The following TMEM108 variants were observed in gnomAD, a reference collection of about 807,000 sequenced individuals.
TMEM108 encodes the protein transmembrane protein 108, also known as cancer/testis antigen 124.
In TMEM108, 12 loss-of-function variants were observed where a neutral mutation model predicts 35.1. The observed-to-expected ratio is 0.34, with a 90% CI of 0.22 to 0.55. The LOEUF (loss-of-function observed/expected upper bound fraction) is 0.55, where lower values mean the gene tolerates loss of function less well. Among genes scored for constraint, TMEM108 ranks in the 20% least tolerant of loss-of-function variants. The pLI, the probability that TMEM108 is intolerant of heterozygous loss-of-function variation, is 0.89. For synonymous variants in TMEM108, 287 were observed against 308.6 expected (o/e 0.93, Z 0.73); for missense variants, 680 against 753.3 (o/e 0.90, Z 1.14).
chr3:133,359,618 G>T (rs2107790043), intron 3 of TMEM108, among the ~76,000 whole-genome samples: 1 of 152,246 alleles, frequency 6.6e-6, no homozygotes, highest in East Asian at 1.9e-4. Context: ...GTTAAAGCTG[G>T]GAGAGAGACA....
intron 2 of TMEM108, among the ~76,000 whole-genome samples, chr3:133,194,178 G>A (rs1297101435): frequency 3.9e-5 from 6 of 151,942 alleles, no homozygotes; most frequent in Admixed American, 6.6e-5. Context: ...CTCGTGATCC[G>A]CCCGCCTCAG....
At chr3:133,356,002 G>A (rs2072154870) in intron 3 of TMEM108, among the ~76,000 whole-genome samples, 1 of 151,902 alleles carries the variant, frequency 6.6e-6, no homozygotes, top group South Asian at 2.1e-4. Context: ...AGAAATATAG[G>A]GCATCCAAAT....
intron 2 of TMEM108, among the ~76,000 whole-genome samples, chr3:133,057,656 G>T (rs940161670): frequency 6.6e-6 from 1 of 151,542 alleles, no homozygotes; most frequent in African/African-American, 2.4e-5. Context: ...TTTACCATAG[G>T]CTCTTGAGGG....
chr3:133,144,817 G>A (rs928152328), intron 2 of TMEM108, among the ~76,000 whole-genome samples: 3 of 152,018 alleles, frequency 2.0e-5, no homozygotes, highest in Admixed American at 2.0e-4. Context: ...GGGGTTGTTT[G>A]TTTTTTTCCT....
chr3:133,046,867 A>G (rs969793263), intron 2 of TMEM108, among the ~76,000 whole-genome samples: 1 of 152,124 alleles, frequency 6.6e-6, no homozygotes, highest in African/African-American at 2.4e-5. Flanking sequence ...AAAGAAACAT[A>G]CTTAACTGAA....
intron 2 of TMEM108, among the ~76,000 whole-genome samples, chr3:133,150,939 A>C (rs768417295): frequency 6.6e-6 from 1 of 152,106 alleles, no homozygotes; most frequent in Non-Finnish European, 1.5e-5. Context: ...GTCAGTCCCC[A>C]GTTTACCTCC....
intron 2 of TMEM108, among the ~76,000 whole-genome samples, chr3:133,186,065 G>C (rs1203223123): frequency 6.7e-6 from 1 of 150,300 alleles, no homozygotes; most frequent in Admixed American, 6.6e-5. Flanking sequence ...ACCGTGCCCA[G>C]CTGGGGCCTT....
In TMEM108 at chr3:133,379,977, A is replaced by C. The variant is rs2072954918; in HGVS notation, c.266A>C (p.Glu89Ala). 1.9e-6 allele frequency: 3 copies of C among 1,613,412 alleles called. No homozygotes were observed. The East Asian group carries it at 6.7e-5, about 36-fold the overall frequency. Residue 89 changes from glutamate to alanine, a missense_variant, in exon 4 of 6, where the codon GAG (glutamate) becomes GCG (alanine). This residue lies in a region of TMEM108 where 526 missense variants were observed against 532.1 expected (regional missense o/e 0.99). Coordinates refer to ENST00000321871, the MANE Select transcript of TMEM108 (RefSeq NM_023943.4). ...ATGGCAACACCGACACCCCGTGCAG[A>C]GGGGCACCCTCCTACGCACACCATC... ...APMATPTPRA[E>A]GHPPTHTIST...
chr3:133,218,241 T>C (rs1178064114), intron 2 of TMEM108, among the ~76,000 whole-genome samples: 1 of 152,060 alleles, frequency 6.6e-6, no homozygotes, highest in Non-Finnish European at 1.5e-5. Flanking sequence ...CAACTAATTA[T>C]GTGTGTTTGT....
intron 2 of TMEM108, among the ~76,000 whole-genome samples, chr3:133,193,085 A>G (rs1945524655): frequency 6.6e-6 from 1 of 152,160 alleles, no homozygotes; most frequent in African/African-American, 2.4e-5. Flanking sequence ...TCTAGAAAGA[A>G]TTTGAGCATT....
intron 3 of TMEM108, among the ~76,000 whole-genome samples, chr3:133,323,517 AATT>A (rs1393343910): frequency 6.6e-6 from 1 of 152,196 alleles, no homozygotes; most frequent in Non-Finnish European, 1.5e-5. Context: ...TACTGAAAGA[AATT>A]ATAGATGACA....
chr3:133,051,570 T>A (rs1263876991), intron 2 of TMEM108, among the ~76,000 whole-genome samples: 1 of 152,148 alleles, frequency 6.6e-6, no homozygotes, highest in Non-Finnish European at 1.5e-5. Context: ...TTGTGTTGTA[T>A]CTAAAAAGTC....
chr3:133,394,868 T>TA (rs2073283694), intron 5 of TMEM108, among the ~76,000 whole-genome samples: 1 of 152,250 alleles, frequency 6.6e-6, no homozygotes, highest in Non-Finnish European at 1.5e-5. Flanking sequence ...TGTTTAAAAA[T>TA]AAACTTCAGA....
chr3:133,192,921 T>TGTGTGCGTGCGCGTGTGTGC (rs1419512673), intron 2 of TMEM108: 1 of 151,902 alleles, frequency 6.6e-6, no homozygotes, highest in African/African-American at 2.4e-5. Context: ...TGTGTGTGTG[T>TGTGTGCGTGCGCGTGTGTGC]GTGCGCGTGT....
chr3:133,111,568 T>C (rs1248969010), intron 2 of TMEM108, among the ~76,000 whole-genome samples: 5 of 152,182 alleles, frequency 3.3e-5, no homozygotes, highest in Non-Finnish European at 7.3e-5. Flanking sequence ...TGTATTCATA[T>C]ATATTAATAT....
At chr3:133,370,190 T>A (rs1311850940) in intron 3 of TMEM108, among the ~76,000 whole-genome samples, 1 of 149,904 alleles carries the variant, frequency 6.7e-6, no homozygotes, top group Non-Finnish European at 1.5e-5. Flanking sequence ...TCTTCCAGGA[T>A]GTCATCTGGG....
In TMEM108 at chr3:133,272,611, G is replaced by A. The variant is rs191275603; in HGVS notation, c.40+43260G>A. On this transcript the variant is annotated intron_variant, in intron 3 of 5. Transcript: ENST00000321871. ...AGGTCCCCCCAAGGGGCACACATCTGTCAGCATAGTGGGATGACTAGGAGC... is the reference window on the plus strand; with the variant it reads ...AGGTCCCCCCAAGGGGCACACATCTATCAGCATAGTGGGATGACTAGGAGC... 2.2e-3 allele frequency among the ~76,000 whole-genome samples: 339 copies of A among 152,272 alleles called. 1 individual carries two copies. Among genetic ancestry groups the A allele is most frequent in the Middle Eastern group, 0.014 (4 of 294 alleles).
chr3:133,179,792 A>T (rs1008620750), intron 2 of TMEM108, among the ~76,000 whole-genome samples: 3 of 151,850 alleles, frequency 2.0e-5, no homozygotes, highest in South Asian at 2.1e-4. Context: ...TGTACCGTAA[A>T]ACTTAAAGTA....
At chr3:133,243,598 G>A (rs1946343255) in intron 3 of TMEM108, among the ~76,000 whole-genome samples, 1 of 151,996 alleles carries the variant, frequency 6.6e-6, no homozygotes, top group African/African-American at 2.4e-5. Flanking sequence ...TCGGCTCACT[G>A]CAAGCTCCGC....
Sources: gnomAD v4.1 joint callset for allele counts (sites outside exome capture counted in the v4.1 genomes callset) on GRCh38, gnomAD v4.1.1 for gene constraint, gnomAD v4.1.1 regional missense constraint, MANE v1.5 for transcripts, NCBI Gene and HGNC (gene_info 2026-07-23, HGNC 2026-07-21) for gene names.